The following TTC21B variants were observed in gnomAD, a reference collection of about 807,000 sequenced individuals.
TTC21B encodes the protein tetratricopeptide repeat domain 21B, also known as tetratricopeptide repeat protein 21B.
In TTC21B, 127 loss-of-function variants were observed where a neutral mutation model predicts 175.1. The ratio of observed to expected loss-of-function variants is 0.73; its 90% CI spans 0.63 to 0.84. TTC21B has a LOEUF of 0.84. Ranked by LOEUF, TTC21B falls within the 40% of genes least tolerant of loss-of-function variation. The probability of loss-of-function intolerance (pLI) is 0.00; values close to 1 mark genes in which losing one functional copy is unlikely to be tolerated. For missense variants in TTC21B, 1,561 were observed against 1,558.3 expected, an observed-to-expected ratio of 1.00 and a Z score of -0.03; for synonymous variants, 524 against 524.5, an observed-to-expected ratio of 1.00 and a Z score of 0.01.
intron 15 of TTC21B, 52 bp from the exon 16 acceptor site, chr2:165,913,698 C>T (rs1416934370): frequency 7.0e-7 from 1 of 1,430,664 alleles, no homozygotes; most frequent in Non-Finnish European, 9.8e-7. Flanking sequence ...TATCTTCTTC[C>T]AAAAATAAAA....
rs149606498 is a variant in TTC21B, at chr2:165,906,697, C to A, written c.2568+981G>T. On this transcript the variant is annotated intron_variant, in intron 19 of 28. Transcript: ENST00000243344. ...CGGTGGCTCACGCCTGTAATCCCAGCACGTTGGAAGGCCGTGGCAGGGGGA... is the reference window on the plus strand; with the variant it reads ...CGGTGGCTCACGCCTGTAATCCCAGAACGTTGGAAGGCCGTGGCAGGGGGA... Among the ~76,000 whole-genome samples the A allele has an allele frequency of 6.1e-3, 930 of 152,146 alleles. 13 individuals are homozygous for A. The highest frequency in any genetic ancestry group is 0.021 in the African/African-American group (890 of 41,530).
chr2:165,934,066 C>G (rs1469052132), intron 6 of TTC21B: 1 of 152,094 alleles, frequency 6.6e-6, no homozygotes, highest in Admixed American at 6.6e-5. Context: ...CCCTCGATGA[C>G]CCACAAAAAT....
At chr2:165,944,386 T>C (rs1363343753) in intron 4 of TTC21B, among the ~76,000 whole-genome samples, 2 of 152,316 alleles carry the variant, frequency 1.3e-5, no homozygotes, top group East Asian at 1.9e-4. Flanking sequence ...GACATCCTAA[T>C]ACGTGACAAC....
At chr2:165,886,077 G>C (rs1204631346) in intron 25 of TTC21B, among the ~76,000 whole-genome samples, 1 of 152,084 alleles carries the variant, frequency 6.6e-6, no homozygotes, top group African/African-American at 2.4e-5. Flanking sequence ...ATGACAAATA[G>C]GATTGTGAAC....
intron 12 of TTC21B, among the ~76,000 whole-genome samples, chr2:165,921,173 T>C (rs1686392578): frequency 6.6e-6 from 1 of 152,124 alleles, no homozygotes; most frequent in Non-Finnish European, 1.5e-5. Flanking sequence ...AGACCAACCC[T>C]GTGATTAGAG....
At chr2:165,935,127 GA>G (rs1687080585) in intron 6 of TTC21B, among the ~76,000 whole-genome samples, 1 of 152,192 alleles carries the variant, frequency 6.6e-6, no homozygotes, top group African/African-American at 2.4e-5. Flanking sequence ...CTGCAAGATG[GA>G]AAGCGTCTAG....
chr2:165,880,732 G>A lies in TTC21B; in HGVS notation c.3752C>T (p.Ala1251Val). 48 of 1,613,390 alleles carry A rather than the reference G, an allele frequency of 3.0e-5. No homozygotes were observed. The highest frequency in any genetic ancestry group is 4.1e-5 in the Non-Finnish European group (48 of 1,179,730). Residue 1251 changes from alanine to valine, a missense_variant, in exon 27 of 29, where the codon GCC (alanine) becomes GTC (valine). By Grantham distance (64) the Ala-to-Val change is moderately conservative (BLOSUM62 0). Transcript: ENST00000243344. ...MEKEQAYTDA[A>V]LNYEMAWKYS... ...TTTCCATGCCATCTCATAGTTCAAG[G>A]CAGCATCTGTATATGCTTGCTCTTT...
At chr2:165,918,395 C>T (rs755293909) in intron 13 of TTC21B, among the ~76,000 whole-genome samples, 2 of 152,100 alleles carry the variant, frequency 1.3e-5, no homozygotes, top group African/African-American at 4.8e-5. Flanking sequence ...CCCAGGTTCA[C>T]GCCATTCTCC....
Position 165,949,597 on chromosome 2 carries a change from T to A in TTC21B, c.149A>T (p.Glu50Val). ...RFYHAYGTLM[E>V]GKTQEALREF... ...CATGTTTAATGATTAACACGTACCTTCCATTAATGTGCCATAGGCATGATA... is the reference window on the plus strand; with the variant it reads ...CATGTTTAATGATTAACACGTACCTACCATTAATGTGCCATAGGCATGATA... The change falls in exon 2 of 29, where the codon GAA becomes GTA. Residue 50 changes from glutamate (E) to valine (V), a missense_variant and splice_region_variant. Transcript: ENST00000243344. 1 of 1,613,808 alleles carries A rather than the reference T, an allele frequency of 6.2e-7. No individual in the cohort carries two copies. Among genetic ancestry groups the A allele is most frequent in the Non-Finnish European group, 8.5e-7 (1 of 1,179,864 alleles).
At chr2:165,909,037 T>C (rs1574091254) in intron 18 of TTC21B, among the ~76,000 whole-genome samples, 2 of 152,064 alleles carry the variant, frequency 1.3e-5, no homozygotes, top group Middle Eastern at 3.2e-3. Flanking sequence ...TGTGTTCAAA[T>C]GTATTTTAAA....
chr2:165,905,309 T>C (rs1447008067), intron 19 of TTC21B, among the ~76,000 whole-genome samples: 14 of 152,052 alleles, frequency 9.2e-5, no homozygotes, highest in Non-Finnish European at 1.3e-4. Flanking sequence ...AAACAGATTG[T>C]AAGATGGCAA....
At chr2:165,884,730 A>C (rs1490567426) in intron 25 of TTC21B, among the ~76,000 whole-genome samples, 1 of 152,240 alleles carries the variant, frequency 6.6e-6, no homozygotes, top group East Asian at 1.9e-4. Context: ...TGAAACCAAT[A>C]GGTTAATGAG....
chr2:165,900,011 A>T, intron 20 of TTC21B, 131 bp from the exon 21 acceptor site: 1 of 649,748 alleles, frequency 1.5e-6, no homozygotes, highest in Non-Finnish European at 2.8e-6. Flanking sequence ...TAATAGACAA[A>T]AAAAAAAAAA....
chr2:165,943,436 C>A, intron 4 of TTC21B, 95 bp from the exon 5 acceptor site: 3 of 942,276 alleles, frequency 3.2e-6, no homozygotes, highest in Admixed American at 2.3e-5. Context: ...CAATTAATAA[C>A]AAAAAGGACT....
At chr2:165,951,683 C>T (rs190480204) in intron 1 of TTC21B, among the ~76,000 whole-genome samples, 261 of 152,242 alleles carry the variant, frequency 1.7e-3, no homozygotes, top group Non-Finnish European at 1.9e-3. Context: ...TACTGACTGC[C>T]TACTAGTACC....
chr2:165,908,229 G>A (rs989348338), intron 18 of TTC21B, among the ~76,000 whole-genome samples: 1 of 152,078 alleles, frequency 6.6e-6, no homozygotes, highest in Non-Finnish European at 1.5e-5. Context: ...ATGTTGAATG[G>A]TCTGGTTTCA....
intron 6 of TTC21B, among the ~76,000 whole-genome samples, chr2:165,934,500 C>CAAAAAAAAAAAAAAAAAAAA (rs369089707): frequency 2.4e-4 from 17 of 71,892 alleles, no homozygotes; most frequent in East Asian, 1.5e-3. Flanking sequence ...GACTCTGTCT[C>CAAAAAAAAAAAAAAAAAAAA]AAAAAAAAAA....
Position 165,890,552 on chromosome 2 carries a change from T to A in TTC21B, c.3190A>T (p.Ile1064Leu), listed in dbSNP as rs1004469692. The A allele has an allele frequency of 3.7e-6, 6 of 1,613,594 alleles. No individual in the cohort carries two copies. Among genetic ancestry groups the A allele is most frequent in the Admixed American group, 1.7e-5 (1 of 59,980 alleles). ...DWGQNALYNM[I>L]EICLNPDNET... Reference sequence around the variant, plus strand: ...TTATCTGGATTCAAACAGATCTCTATCATATTATAAAGGGCATTTTGGCCC... The same window carrying A: ...TTATCTGGATTCAAACAGATCTCTAACATATTATAAAGGGCATTTTGGCCC... Residue 1064 changes from isoleucine (I) to leucine (L), a missense_variant, in exon 24 of 29, where the codon ATA becomes TTA. Transcript: ENST00000243344.
intron 1 of TTC21B, among the ~76,000 whole-genome samples, chr2:165,951,414 A>T (rs1687757983): frequency 6.6e-6 from 1 of 152,312 alleles, no homozygotes; most frequent in Non-Finnish European, 1.5e-5. Context: ...TTCTGAAAAA[A>T]ATAAGTTCCT....
Sources: allele counts gnomAD v4.1 joint callset (sites outside exome capture counted in the v4.1 genomes callset), GRCh38; gene constraint gnomAD v4.1.1; transcripts MANE v1.5; gene names NCBI Gene and HGNC (gene_info 2026-07-23, HGNC 2026-07-21).